Variants in BRINP2 observed in about 807,000 individuals in gnomAD.
BRINP2 encodes BMP/retinoic acid inducible neural specific 2.
A neutral mutation model predicts 69.2 loss-of-function variants in BRINP2; 21 were observed. That is an observed-to-expected ratio of 0.30 (90% CI 0.22 to 0.44). The LOEUF is 0.44. Ranked by LOEUF, BRINP2 falls within the 20% of genes least tolerant of loss-of-function variation. The probability of loss-of-function intolerance (pLI) is 1.00; values close to 1 mark genes in which losing one functional copy is unlikely to be tolerated. For synonymous variants in BRINP2, 380 were observed against 394.1 expected (o/e 0.96, Z 0.42); for missense variants, 877 against 986.0 (o/e 0.89, Z 1.48).
chr1:177,209,273 G>A (rs1310181551), intron 1 of BRINP2, among the ~76,000 whole-genome samples: 1 of 152,026 alleles, frequency 6.6e-6, no homozygotes, highest in African/African-American at 2.4e-5. Context: ...AAACTTCAGG[G>A]ATCGACAAGC....
chr1:177,240,923 A>G (rs1233602646), intron 2 of BRINP2, among the ~76,000 whole-genome samples: 1 of 152,168 alleles, frequency 6.6e-6, no homozygotes, highest in African/African-American at 2.4e-5. Context: ...GAAGGTGGTC[A>G]GTGGGTCCTA....
intron 1 of BRINP2, among the ~76,000 whole-genome samples, chr1:177,188,267 C>T (rs532900872): frequency 6.6e-6 from 1 of 152,070 alleles, no homozygotes; most frequent in East Asian, 1.9e-4. Flanking sequence ...TGAGCTCTTT[C>T]GAGGTGCCAG....
chr1:177,211,481 T>C (rs1429059177), intron 1 of BRINP2, among the ~76,000 whole-genome samples: 1 of 152,174 alleles, frequency 6.6e-6, no homozygotes, highest in Admixed American at 6.5e-5. Context: ...TCTGGAACAA[T>C]TTGTTCCTCC....
chr1:177,181,053 A>T (rs571178522), intron 1 of BRINP2, among the ~76,000 whole-genome samples: 1 of 152,296 alleles, frequency 6.6e-6, no homozygotes, highest in South Asian at 2.1e-4. Context: ...TATGAAGTAG[A>T]TACTATTATT....
chr1:177,251,377 T>G (rs1447706846), intron 2 of BRINP2, among the ~76,000 whole-genome samples: 1 of 152,216 alleles, frequency 6.6e-6, no homozygotes. Context: ...TAAAGGATAC[T>G]AAACACCACA....
At chr1:177,231,459 A>C (rs571477103) in intron 2 of BRINP2, among the ~76,000 whole-genome samples, 2 of 152,360 alleles carry the variant, frequency 1.3e-5, no homozygotes, top group East Asian at 1.9e-4. Context: ...TATTCAGTAC[A>C]GTGTCAGAAG....
intron 2 of BRINP2, among the ~76,000 whole-genome samples, chr1:177,230,356 C>A (rs1649830273): frequency 6.6e-6 from 1 of 152,174 alleles, no homozygotes; most frequent in Non-Finnish European, 1.5e-5. Flanking sequence ...GCTGGAAAAC[C>A]TGCTGATACC....
At chr1:177,194,045 GA>G (rs1360534356) in intron 1 of BRINP2, among the ~76,000 whole-genome samples, 9 of 152,154 alleles carry the variant, frequency 5.9e-5, no homozygotes, top group Non-Finnish European at 4.4e-5. Context: ...TGTTGCAATG[GA>G]AATGTTGGTA....
chr1:177,237,715 A>G (rs919849529), intron 2 of BRINP2, among the ~76,000 whole-genome samples: 1 of 152,204 alleles, frequency 6.6e-6, no homozygotes, highest in African/African-American at 2.4e-5. Context: ...GGCAAAGGAA[A>G]AGAGGATTAA....
At chr1:177,228,723 G>A (rs1330734873) in intron 1 of BRINP2, among the ~76,000 whole-genome samples, 1 of 152,160 alleles carries the variant, frequency 6.6e-6, no homozygotes. Context: ...TAAAGATTGA[G>A]GAAATGATCA....
intron 4 of BRINP2, among the ~76,000 whole-genome samples, chr1:177,271,707 G>A (rs1232018449): frequency 6.6e-6 from 1 of 152,164 alleles, no homozygotes; most frequent in African/African-American, 2.4e-5. Context: ...AGTTCTCCCT[G>A]CTGCCTCTCA....
intron 2 of BRINP2, among the ~76,000 whole-genome samples, chr1:177,240,536 C>T (rs1442145512): frequency 1.3e-5 from 2 of 152,030 alleles, no homozygotes; most frequent in African/African-American, 2.4e-5. Context: ...AAAGAGGAGT[C>T]GAGAGGAAAA....
chr1:177,248,539 G>C (rs994419501), intron 2 of BRINP2, among the ~76,000 whole-genome samples: 10 of 151,034 alleles, frequency 6.6e-5, no homozygotes, highest in African/African-American at 1.9e-4. Context: ...CCCCCTTAAG[G>C]CTGCATAGGG....
At chr1:177,211,111 T>C (rs1649209469) in intron 1 of BRINP2, among the ~76,000 whole-genome samples, 1 of 151,922 alleles carries the variant, frequency 6.6e-6, no homozygotes, top group Non-Finnish European at 1.5e-5. Context: ...CTTTAAATTA[T>C]GAGGATCTGT....
At chr1:177,241,386 A>T (rs1357654145) in intron 2 of BRINP2, among the ~76,000 whole-genome samples, 1 of 151,964 alleles carries the variant, frequency 6.6e-6, no homozygotes, top group Non-Finnish European at 1.5e-5. Context: ...GCTTTCTTTT[A>T]TTTCTCTAGA....
chr1:177,234,037 G>A (rs934517228), intron 2 of BRINP2, among the ~76,000 whole-genome samples: 2 of 152,298 alleles, frequency 1.3e-5, no homozygotes, highest in Non-Finnish European at 2.9e-5. Context: ...GTCAAAACAA[G>A]ATCTGATCTA....
chr1:177,196,299 A>T (rs1418798411), intron 1 of BRINP2, among the ~76,000 whole-genome samples: 1 of 152,164 alleles, frequency 6.6e-6, no homozygotes, highest in African/African-American at 2.4e-5. Context: ...GACTCGTTTA[A>T]GGAGGGGTCC....
At chr1:177,227,289 C>G (rs763255705) in intron 1 of BRINP2, among the ~76,000 whole-genome samples, 1 of 152,216 alleles carries the variant, frequency 6.6e-6, no homozygotes, top group Non-Finnish European at 1.5e-5. Context: ...CCTCCAGTAT[C>G]AGGTAGCTGC....
intron 1 of BRINP2, among the ~76,000 whole-genome samples, chr1:177,217,344 C>A (rs1458167033): frequency 6.6e-6 from 1 of 151,822 alleles, no homozygotes; most frequent in Admixed American, 6.6e-5. Flanking sequence ...TTAAAAATCT[C>A]CATTTAAAAA....
Sources: gnomAD v4.1 joint callset for allele counts (sites outside exome capture counted in the v4.1 genomes callset) on GRCh38, gnomAD v4.1.1 for gene constraint, MANE v1.5 for transcripts, NCBI Gene and HGNC (gene_info 2026-07-23, HGNC 2026-07-21) for gene names.